The following HOMER2 variants were observed in gnomAD, a reference collection of about 807,000 sequenced individuals.
HOMER2 encodes homer protein homolog 2.
A neutral mutation model predicts 47.0 loss-of-function variants in HOMER2; 27 were observed. The ratio of observed to expected loss-of-function variants is 0.57; its 90% CI spans 0.42 to 0.79. The LOEUF (loss-of-function observed/expected upper bound fraction) is 0.79, where lower values mean the gene tolerates loss of function less well. Among genes scored for constraint, HOMER2 ranks in the 30% least tolerant of loss-of-function variants. The pLI, the probability that HOMER2 is intolerant of heterozygous loss-of-function variation, is 0.00. For missense variants in HOMER2, 443 were observed against 435.0 expected, an observed-to-expected ratio of 1.02 and a Z score of -0.16; for synonymous variants, 161 against 163.8, an observed-to-expected ratio of 0.98 and a Z score of 0.13.
At chr15:82,860,196 A>G (rs1356095984) in intron 4 of HOMER2, among the ~76,000 whole-genome samples, 1 of 152,210 alleles carries the variant, frequency 6.6e-6, no homozygotes, top group Non-Finnish European at 1.5e-5. Context: ...AGATCGTGCC[A>G]CTGCACTCCA....
At chr15:82,937,331 G>A (rs1025347758) in intron 1 of HOMER2, among the ~76,000 whole-genome samples, 3 of 152,202 alleles carry the variant, frequency 2.0e-5, no homozygotes, top group African/African-American at 7.2e-5. Flanking sequence ...CTTGGATTTT[G>A]TTATGGTTTG....
At chr15:82,851,017 G>T (rs2051373878) in intron 8 of HOMER2, 134 bp downstream of exon 8, 2 of 683,286 alleles carry the variant, frequency 2.9e-6, no homozygotes, top group Non-Finnish European at 5.1e-6. Context: ...TGCAGTCACT[G>T]CCAGCTTTTT....
exon 2 of HOMER2, chr15:82,958,254 A>C (rs1175184904): frequency 1.3e-5 from 2 of 152,260 alleles, no homozygotes; most frequent in Non-Finnish European, 2.9e-5. Context: ...GAAGACTTCA[A>C]AAAGGGGATG....
At chr15:82,928,901 C>CA (rs1056478243) in intron 1 of HOMER2, among the ~76,000 whole-genome samples, 25 of 59,022 alleles carry the variant, frequency 4.2e-4, no homozygotes, top group East Asian at 9.7e-4. Flanking sequence ...GCCCCATCTA[C>CA]AAAAAAACAG....
rs60714361 is a variant in HOMER2 at position 82,916,208 on chromosome 15, C to T, written c.6-23367G>A. On this transcript the variant is annotated intron_variant, in intron 1 of 8. Coordinates refer to ENST00000450735, the MANE Select transcript of HOMER2 (RefSeq NM_004839.4). ...ATTCCAAAAATATTCAGCCAACACT[C>T]GGAGCGTGGAGTGAAAAGAGCGAGT... is the stretch of plus-strand genomic sequence containing the variant. 8.8e-3 allele frequency among the ~76,000 whole-genome samples: 1,334 copies of T among 152,322 alleles called. 25 individuals are homozygous for T. The highest frequency in any genetic ancestry group is 0.031 in the African/African-American group (1,280 of 41,572).
intron 1 of HOMER2, among the ~76,000 whole-genome samples, chr15:82,933,486 A>G (rs530476361): frequency 2.4e-3 from 364 of 152,260 alleles, no homozygotes; most frequent in African/African-American, 7.9e-3. Flanking sequence ...GCTTCAAGCA[A>G]TCCTCCCACC....
In HOMER2 at chr15:82,854,744, G is replaced by T; in HGVS notation, c.551C>A (p.Ala184Glu). The T allele has an allele frequency of 6.2e-7, 1 of 1,612,278 alleles. No homozygotes were observed. Residue 184 changes from alanine to glutamate, a missense_variant, in exon 6 of 9, where the codon GCA (alanine) becomes GAA (glutamate). Physicochemically the swap from Ala to Glu is moderately radical, Grantham distance 107. Transcript: ENST00000450735. ...IELQTLRESN[A>E]RLTTALQESA... ...CTCCTGCAGTGCTGTGGTCAGCCGT[G>T]CATTGCTCTCCCGAAGGGTCTGCAG... is the stretch of plus-strand genomic sequence containing the variant.
chr15:82,948,713 C>A (rs1357620364), intron 1 of HOMER2, among the ~76,000 whole-genome samples: 1 of 152,180 alleles, frequency 6.6e-6, no homozygotes, highest in East Asian at 1.9e-4. Flanking sequence ...GGGGAAACAG[C>A]AAGTGCAAGG....
At chr15:82,871,291 A>G (rs2052168582) in intron 3 of HOMER2, among the ~76,000 whole-genome samples, 1 of 152,210 alleles carries the variant, frequency 6.6e-6, no homozygotes, top group African/African-American at 2.4e-5. Context: ...TAGAGAGGGA[A>G]GTATGTATAA....
At chr15:82,877,124 C>A (rs2052376275) in intron 2 of HOMER2, among the ~76,000 whole-genome samples, 1 of 152,160 alleles carries the variant, frequency 6.6e-6, no homozygotes, top group Admixed American at 6.5e-5. Flanking sequence ...TACGACTATT[C>A]CTTCATTTCA....
intron 8 of HOMER2, 61 bp downstream of exon 8, chr15:82,851,090 G>C: frequency 9.5e-7 from 1 of 1,055,708 alleles, no homozygotes; most frequent in Non-Finnish European, 1.4e-6. Context: ...AGGAAAATGA[G>C]TACCATGACA....
At chr15:82,868,541 A>ATATATATATATTTTTTTTTTTTT in intron 3 of HOMER2, among the ~76,000 whole-genome samples, 1 of 71,290 alleles carries the variant, frequency 1.4e-5, no homozygotes, top group African/African-American at 5.0e-5. Context: ...ATATATATAT[A>ATATATATATATTTTTTTTTTTTT]TTTTTTTTTT....
intron 4 of HOMER2, among the ~76,000 whole-genome samples, chr15:82,862,416 C>A (rs2051824868): frequency 6.6e-6 from 1 of 152,130 alleles, no homozygotes; most frequent in South Asian, 2.1e-4. Flanking sequence ...CTACTCGAGC[C>A]CAGGGGCAGC....
Position 82,849,710 on chromosome 15 carries a change from C to T in HOMER2, c.*5G>A. The stretch of plus-strand genomic sequence containing the variant: ...TCACGGGCGGGGCCTGGGCCTCGGC[C>T]AGCCCTAGTTATCGGTGCCCAGCTT... On this transcript the variant is annotated 3_prime_UTR_variant, in exon 9 of 9. Transcript: ENST00000450735. 6.2e-7 allele frequency: 1 copy of T among 1,611,640 alleles called. No individual in the cohort carries two copies. Among genetic ancestry groups the T allele is most frequent in the Middle Eastern group, 1.7e-4 (1 of 5,912 alleles).
At chr15:82,954,301 T>A (rs898248837), upstream of HOMER2, among the ~76,000 whole-genome samples, 11 of 151,960 alleles carry the variant, frequency 7.2e-5, no homozygotes, top group East Asian at 1.9e-4. Context: ...TTTTATTATT[T>A]TTTTTTTGAG....
intron 1 of HOMER2, among the ~76,000 whole-genome samples, chr15:82,941,529 T>C (rs996518017): frequency 3.3e-5 from 5 of 151,016 alleles, no homozygotes; most frequent in African/African-American, 1.2e-4. Flanking sequence ...GCCTACAGAC[T>C]GAAGTCCATA....
chr15:82,971,488 T>C (rs2029987370), intron 1 of HOMER2, among the ~76,000 whole-genome samples: 2 of 151,758 alleles, frequency 1.3e-5, no homozygotes, highest in Admixed American at 1.3e-4. Context: ...CTGCTAAGGG[T>C]ATCATTTTTT....
chr15:82,911,641 T>C (rs900044475), intron 1 of HOMER2, among the ~76,000 whole-genome samples: 12 of 152,230 alleles, frequency 7.9e-5, no homozygotes, highest in African/African-American at 2.9e-4. Flanking sequence ...CTAATGGCTA[T>C]ATGTGTGTGT....
chr15:82,847,348 G>A (rs996210078), downstream of HOMER2: 8 of 152,228 alleles, frequency 5.3e-5, no homozygotes, highest in African/African-American at 1.7e-4. Flanking sequence ...GTGCTTTCAC[G>A]GCCAAGCCCA....
Sources: allele counts gnomAD v4.1 joint callset (sites outside exome capture counted in the v4.1 genomes callset), GRCh38; gene constraint gnomAD v4.1.1; transcripts MANE v1.5; gene names NCBI Gene and HGNC (gene_info 2026-07-23, HGNC 2026-07-21).